The following NCKAP5 variants were observed in gnomAD, a reference collection of about 807,000 sequenced individuals.
NCKAP5 encodes NCK associated protein 5.
Under a neutral mutation model 167.0 loss-of-function variants are expected in NCKAP5, and 92 were observed. That is an observed-to-expected ratio of 0.55 (90% CI 0.47 to 0.66). The LOEUF is 0.66. NCKAP5 is among the 30% of genes least tolerant of loss of function. The pLI, the probability that NCKAP5 is intolerant of heterozygous loss-of-function variation, is 0.00. For missense variants in NCKAP5, 2,378 were observed against 2,315.0 expected, an observed-to-expected ratio of 1.03 and a Z score of -0.56; for synonymous variants, 891 against 877.4, an observed-to-expected ratio of 1.02 and a Z score of -0.27.
rs547575561 is a variant in NCKAP5, at chr2:132,892,168, TCA to T, written c.580-13254_580-13253del. On this transcript the variant is annotated intron_variant, in intron 8 of 19. Coordinates refer to ENST00000409261, the MANE Select transcript of NCKAP5 (RefSeq NM_207363.3). ...TCTGGATTGGACAGTTTAAACAGGC[TCA>T]CATACAGATTAGCGTCAGGTCCTGA... 1.9e-3 allele frequency among the ~76,000 whole-genome samples: 286 copies of T among 152,328 alleles called. 7 individuals are homozygous for T. Among genetic ancestry groups the T allele is most frequent in the Admixed American group, 0.017 (263 of 15,292 alleles).
At chr2:132,826,728 A>T (rs1687148582) in intron 11 of NCKAP5, among the ~76,000 whole-genome samples, 1 of 152,204 alleles carries the variant, frequency 6.6e-6, no homozygotes, top group South Asian at 2.1e-4. Flanking sequence ...AGTGCCTCCC[A>T]TGCCTAGGTA....
intron 3 of NCKAP5, among the ~76,000 whole-genome samples, chr2:133,417,232 G>A (rs946766839): frequency 9.9e-5 from 15 of 151,942 alleles, no homozygotes; most frequent in African/African-American, 3.4e-4. Flanking sequence ...CCCCCGACAC[G>A]TGGAACATTG....
At chr2:132,760,371 G>T (rs1227735273) in intron 16 of NCKAP5, among the ~76,000 whole-genome samples, 1 of 151,972 alleles carries the variant, frequency 6.6e-6, no homozygotes, top group East Asian at 1.9e-4. Flanking sequence ...TCACTTCTAG[G>T]CCAATAATTA....
chr2:133,421,932 A>T (rs1689503673), intron 3 of NCKAP5, among the ~76,000 whole-genome samples: 1 of 152,216 alleles, frequency 6.6e-6, no homozygotes, highest in South Asian at 2.1e-4. Flanking sequence ...GCTAACCTTT[A>T]TCTAGTGCCT....
chr2:133,365,602 G>A (rs1453456843), intron 3 of NCKAP5, among the ~76,000 whole-genome samples: 1 of 152,086 alleles, frequency 6.6e-6, no homozygotes, highest in South Asian at 2.1e-4. Flanking sequence ...TAAGTCCCAT[G>A]AAAATAAGGG....
intron 15 of NCKAP5, among the ~76,000 whole-genome samples, chr2:132,776,325 G>A (rs955016325): frequency 2.6e-5 from 4 of 152,020 alleles, no homozygotes; most frequent in African/African-American, 4.8e-5. Context: ...TACCTGTTCC[G>A]TGCCCCTTCT....
chr2:133,162,726 T>C (rs1421695818), intron 5 of NCKAP5, among the ~76,000 whole-genome samples: 1 of 152,186 alleles, frequency 6.6e-6, no homozygotes, highest in African/African-American at 2.4e-5. Context: ...TTCAAGTCTT[T>C]ACATCTCCAC....
intron 6 of NCKAP5, among the ~76,000 whole-genome samples, chr2:133,120,421 G>A (rs564231904): frequency 6.6e-6 from 1 of 152,242 alleles, no homozygotes; most frequent in African/African-American, 2.4e-5. Context: ...TACTATGTGG[G>A]AACAGTGTTC....
the NCKAP5 span, among the ~76,000 whole-genome samples, chr2:133,631,672 T>G: frequency 6.6e-6 from 1 of 152,226 alleles, no homozygotes; most frequent in African/African-American, 2.4e-5. Flanking sequence ...ACTTAGACTT[T>G]GGAAAATGTT....
At chr2:132,806,119 T>C (rs1414591158) in intron 11 of NCKAP5, among the ~76,000 whole-genome samples, 1 of 152,218 alleles carries the variant, frequency 6.6e-6, no homozygotes, top group Admixed American at 6.5e-5. Flanking sequence ...TTCCTTTTTA[T>C]GGCTGTGTAG....
intron 6 of NCKAP5, among the ~76,000 whole-genome samples, chr2:133,082,309 C>T (rs926490331): frequency 5.3e-5 from 8 of 152,252 alleles, no homozygotes; most frequent in Non-Finnish European, 8.8e-5. Flanking sequence ...ACTGCATCAT[C>T]GGTTCAGTCC....
chr2:133,082,716 G>A (rs1221865225), intron 6 of NCKAP5, among the ~76,000 whole-genome samples: 1 of 152,092 alleles, frequency 6.6e-6, no homozygotes, highest in East Asian at 1.9e-4. Context: ...ACTGTCCCTG[G>A]TGCCAGGTTT....
intron 8 of NCKAP5, among the ~76,000 whole-genome samples, chr2:132,920,176 T>C (rs1451315623): frequency 6.6e-6 from 1 of 152,084 alleles, no homozygotes; most frequent in Non-Finnish European, 1.5e-5. Flanking sequence ...TGCTATTTCA[T>C]GGCAGGAAGT....
intron 6 of NCKAP5, among the ~76,000 whole-genome samples, chr2:133,071,967 A>C (rs1032452412): frequency 2.0e-5 from 3 of 152,188 alleles, no homozygotes; most frequent in African/African-American, 7.2e-5. Flanking sequence ...AGAGAAAAGG[A>C]AGTACTCATT....
At chr2:133,072,094 C>CT (rs2080431154) in intron 6 of NCKAP5, among the ~76,000 whole-genome samples, 1 of 107,830 alleles carries the variant, frequency 9.3e-6, no homozygotes. Flanking sequence ...TTTTTTTTTT[C>CT]TTTTTTTGAG....
chr2:133,291,250 G>A (rs111362178), intron 4 of NCKAP5, among the ~76,000 whole-genome samples: 15,227 of 152,164 alleles, frequency 0.1, 801 homozygotes, highest in South Asian at 0.14. Context: ...TTAAAGATGT[G>A]AAACATACAA....
In NCKAP5 at chr2:133,410,634, C is replaced by T. The variant is rs142668488; in HGVS notation, c.69+106824G>A. On this transcript the variant is annotated intron_variant, in intron 3 of 19. Transcript: ENST00000409261. ...AGAGTGGTCTCCAGAGCTGCAGCAT[C>T]GCAGGGAGCTTCTTAGAAATGCAAA... 2.7e-3 allele frequency among the ~76,000 whole-genome samples: 415 copies of T among 152,268 alleles called. 1 individual carries two copies. Among genetic ancestry groups the T allele is most frequent in the African/African-American group, 9.6e-3 (399 of 41,558 alleles).
In NCKAP5 at chr2:133,542,188, G is replaced by A. The variant is rs191032287; in HGVS notation, c.-62+16862C>T. On this transcript the variant is annotated intron_variant, in intron 2 of 19. Transcript: ENST00000409261. Reference sequence around the variant, plus strand: ...TGTTCATGAGATCACAAGCAGTCACGAACATGACGAATGTCTATGACAATA... The same window carrying A: ...TGTTCATGAGATCACAAGCAGTCACAAACATGACGAATGTCTATGACAATA... Among the ~76,000 whole-genome samples the A allele has an allele frequency of 2.0e-5, 3 of 152,240 alleles. No homozygotes were observed. The East Asian group carries it at 5.8e-4, about 29-fold the overall frequency.
intron 19 of NCKAP5, among the ~76,000 whole-genome samples, chr2:132,689,933 G>A (rs1038405567): frequency 1.3e-5 from 2 of 152,068 alleles, no homozygotes; most frequent in African/African-American, 4.8e-5. Context: ...AGTATCTGCA[G>A]CTAATATGAG....
Sources: gnomAD v4.1 joint callset for allele counts (sites outside exome capture counted in the v4.1 genomes callset) on GRCh38, gnomAD v4.1.1 for gene constraint, MANE v1.5 for transcripts, NCBI Gene and HGNC (gene_info 2026-07-23, HGNC 2026-07-21) for gene names.